Variants in DOCK10 observed in about 807,000 individuals in gnomAD.
The protein encoded by DOCK10 is dedicator of cytokinesis protein 10.
A neutral mutation model predicts 280.1 loss-of-function variants in DOCK10; 145 were observed. The observed-to-expected ratio is 0.52, with a 90% CI of 0.45 to 0.59. The LOEUF (loss-of-function observed/expected upper bound fraction) is 0.59, where lower values mean the gene tolerates loss of function less well. Ranked by LOEUF, DOCK10 falls within the 20% of genes least tolerant of loss-of-function variation. DOCK10 has a pLI of 0.00. For missense variants in DOCK10, 2,368 were observed against 2,651.7 expected, an observed-to-expected ratio of 0.89 and a Z score of 2.35; for synonymous variants, 915 against 942.2, an observed-to-expected ratio of 0.97 and a Z score of 0.53.
intron 1 of DOCK10, among the ~76,000 whole-genome samples, chr2:224,975,032 T>G (rs1455689286): frequency 6.6e-6 from 1 of 151,600 alleles, no homozygotes; most frequent in Non-Finnish European, 1.5e-5. Flanking sequence ...GATTTTAAGC[T>G]GTTTTGATTT....
intron 1 of DOCK10, among the ~76,000 whole-genome samples, chr2:225,025,457 A>C (rs1400344544): frequency 6.6e-6 from 1 of 152,172 alleles, no homozygotes; most frequent in Non-Finnish European, 1.5e-5. Flanking sequence ...ATCTAATATG[A>C]CTCACCACAA....
At chr2:224,953,057 T>C (rs1019961010) in intron 1 of DOCK10, among the ~76,000 whole-genome samples, 10 of 111,278 alleles carry the variant, frequency 9.0e-5, no homozygotes, top group Non-Finnish European at 2.0e-5. Flanking sequence ...AAAGTACCAT[T>C]AGGAATTTAG....
chr2:224,963,652 C>T (rs552872277), intron 1 of DOCK10, among the ~76,000 whole-genome samples: 21 of 152,110 alleles, frequency 1.4e-4, no homozygotes, highest in African/African-American at 4.3e-4. Flanking sequence ...ATGACGAGAA[C>T]GTGATGCTAA....
rs966915638 is a variant in DOCK10, at chr2:224,952,559, T to C, written c.124-20891A>G. Among the ~76,000 whole-genome samples the C allele has an allele frequency of 2.0e-5, 3 of 151,790 alleles. No individual in the cohort carries two copies. The South Asian group carries it at 6.2e-4, about 31-fold the overall frequency. On this transcript the variant is annotated intron_variant, in intron 1 of 55. Transcript: ENST00000258390. Reference sequence around the variant, plus strand: ...GGCAGCAAACAAAGTCAATATACTATGTGAAAGTCCTTTTTAAATGCTCAA... The same window carrying C: ...GGCAGCAAACAAAGTCAATATACTACGTGAAAGTCCTTTTTAAATGCTCAA...
At chr2:224,778,500 C>T in intron 50 of DOCK10, 1 of 598,970 alleles carries the variant, frequency 1.7e-6, no homozygotes, top group East Asian at 3.2e-5. Flanking sequence ...ATTTCCTAGC[C>T]AGGCCAAAGA....
intron 1 of DOCK10, among the ~76,000 whole-genome samples, chr2:224,958,365 G>A (rs1704176883): frequency 6.6e-6 from 1 of 152,140 alleles, no homozygotes; most frequent in Non-Finnish European, 1.5e-5. Context: ...GCACAAAAAG[G>A]GCACCTCGAA....
intron 1 of DOCK10, among the ~76,000 whole-genome samples, chr2:225,012,958 G>A (rs10167278): frequency 0.29 from 43,646 of 151,940 alleles, 6,446 homozygotes; most frequent in Middle Eastern, 0.31. Context: ...TTACCACTTC[G>A]CTATGATGGC....
intron 52 of DOCK10, 26 bp downstream of exon 52, chr2:224,774,879 T>C (rs893414528): frequency 2.6e-6 from 4 of 1,560,390 alleles, no homozygotes; most frequent in Non-Finnish European, 3.5e-6. Context: ...AGGTGCCACA[T>C]GTGTGGCCCG....
intron 14 of DOCK10, among the ~76,000 whole-genome samples, chr2:224,858,474 T>A (rs897993286): frequency 6.6e-6 from 1 of 152,122 alleles, no homozygotes; most frequent in African/African-American, 2.4e-5. Flanking sequence ...CTGGTTAACA[T>A]GGTGAAACCC....
chr2:224,909,610 T>C (rs1020759176), intron 3 of DOCK10, among the ~76,000 whole-genome samples: 5 of 152,146 alleles, frequency 3.3e-5, no homozygotes, highest in Non-Finnish European at 5.9e-5. Context: ...CATGGAATAT[T>C]ATGTCAAAGA....
At chr2:224,961,421 T>TCTTTCTTTCTTC (rs1704401900) in intron 1 of DOCK10, among the ~76,000 whole-genome samples, 3 of 100,496 alleles carry the variant, frequency 3.0e-5, no homozygotes, top group African/African-American at 8.7e-5. Flanking sequence ...TCTCTTTCTT[T>TCTTTCTTTCTTC]CTTTCTTTCT....
At chr2:224,942,617 C>A (rs1703160530) in intron 1 of DOCK10, among the ~76,000 whole-genome samples, 1 of 152,158 alleles carries the variant, frequency 6.6e-6, no homozygotes, top group South Asian at 2.1e-4. Context: ...GTAAGGGAGG[C>A]TTCTCACATT....
intron 11 of DOCK10, among the ~76,000 whole-genome samples, chr2:224,867,945 G>T (rs1698034728): frequency 3.3e-5 from 5 of 152,186 alleles, no homozygotes; most frequent in Admixed American, 3.3e-4. Flanking sequence ...AATTCCAAAT[G>T]GGATATAGAA....
chr2:224,882,606 C>T (rs1699041204), intron 7 of DOCK10, among the ~76,000 whole-genome samples: 1 of 152,166 alleles, frequency 6.6e-6, no homozygotes, highest in South Asian at 2.1e-4. Flanking sequence ...ATGGCATATT[C>T]ACTAAAGATT....
At chr2:224,999,336 T>C (rs1706363001) in intron 1 of DOCK10, among the ~76,000 whole-genome samples, 1 of 151,960 alleles carries the variant, frequency 6.6e-6, no homozygotes, top group African/African-American at 2.4e-5. Context: ...CATCATGCCC[T>C]ACCTCATTCA....
rs200998922 is a variant in DOCK10, at chr2:224,808,020, C to T, written c.3476G>A (p.Arg1159Gln). ...RKHFLIGILL[R>Q]EVGFALQEDQ... The stretch of plus-strand genomic sequence containing the variant: ...TTCCTGCAGGGCAAAGCCAACTTCT[C>T]GGAGCAGAATTCCGATTAAGAAGTG... The change falls in exon 32 of 56, where the codon CGA (arginine) becomes CAA (glutamine). Residue 1159 changes from arginine (R) to glutamine (Q), a missense_variant. Arg to Gln is a conservative substitution (Grantham distance 43). This residue lies in a region of DOCK10 where 1,159 missense variants were observed against 1,400.8 expected (regional missense o/e 0.83). Coordinates refer to ENST00000258390, the MANE Select transcript of DOCK10 (RefSeq NM_014689.3). 829 of 1,612,574 alleles carry T rather than the reference C, an allele frequency of 5.1e-4. No homozygotes were observed. Among genetic ancestry groups the T allele is most frequent in the Middle Eastern group, 1.6e-3 (10 of 6,078 alleles).
At chr2:224,893,553 C>T in intron 4 of DOCK10, 1 of 333,584 alleles carries the variant, frequency 3.0e-6, no homozygotes, top group South Asian at 2.6e-5. Flanking sequence ...TCTGGGATCT[C>T]CAAGTTAGTG....
chr2:224,826,934 GC>G (rs1193562944), intron 27 of DOCK10, among the ~76,000 whole-genome samples: 1 of 151,850 alleles, frequency 6.6e-6, no homozygotes, highest in Non-Finnish European at 1.5e-5. Context: ...CTGCACTCCA[GC>G]CTGGGCAACA....
chr2:224,922,436 C>G (rs189500261), intron 2 of DOCK10, among the ~76,000 whole-genome samples: 1 of 152,286 alleles, frequency 6.6e-6, no homozygotes, highest in East Asian at 1.9e-4. Context: ...GGATCTGAAA[C>G]TGCAGTGGAA....
Sources: allele counts gnomAD v4.1 joint callset (sites outside exome capture counted in the v4.1 genomes callset), GRCh38; gene constraint gnomAD v4.1.1; regional missense constraint gnomAD v4.1.1; transcripts MANE v1.5; gene names NCBI Gene and HGNC (gene_info 2026-07-23, HGNC 2026-07-21).